GAS6: variants seen among roughly 807,000 people sequenced by gnomAD.
GAS6 encodes growth arrest specific 6.
A neutral mutation model predicts 75.8 loss-of-function variants in GAS6; 41 were observed. The observed-to-expected ratio is 0.54, with a 90% CI of 0.42 to 0.70. The LOEUF (loss-of-function observed/expected upper bound fraction) is 0.70, where lower values mean the gene tolerates loss of function less well. Ranked by LOEUF, GAS6 falls within the 30% of genes least tolerant of loss-of-function variation. GAS6 has a pLI of 0.00. For synonymous variants in GAS6, 432 were observed against 412.6 expected (o/e 1.05, Z -0.57); for missense variants, 854 against 940.2 (o/e 0.91, Z 1.20).
rs975920474 is a variant in GAS6 at position 113,848,056 on chromosome 13, GA to G, written c.256-7del. The G allele has an allele frequency of 3.7e-6, 6 of 1,611,548 alleles. No individual in the cohort carries two copies. The African/African-American group carries it at 8.0e-5, about 22-fold the overall frequency. ...TATCTTGGGTAAAAATAATCCTGTG[GA>G]AAAAGAAAAAGAAAAGGCAAGCATT... On this transcript the variant is annotated splice_polypyrimidine_tract_variant and splice_region_variant and intron_variant, in intron 2 of 14. Coordinates refer to ENST00000327773, the MANE Select transcript of GAS6 (RefSeq NM_000820.4). This position sits in a 1 kb window ranked among gnomAD's most constrained non-coding sequence, Gnocchi z 4.8.
Position 113,858,625 on chromosome 13 carries a change from A to C in GAS6, c.255+4950T>G, listed in dbSNP as rs1203583685. The stretch of plus-strand genomic sequence containing the variant: ...TGTACATGTCTGTGTGTGCCTATGT[A>C]TGCATGTCTGTGTGTTTGTGACTGT... On this transcript the variant is annotated intron_variant, in intron 2 of 14. Transcript: ENST00000327773. Among the ~76,000 whole-genome samples the C allele has an allele frequency of 1.6e-5, 2 of 124,396 alleles. 1 individual carries two copies. Among genetic ancestry groups the C allele is most frequent in the African/African-American group, 7.4e-5 (2 of 27,182 alleles). 81.6% of individuals were successfully genotyped at this position (124,396 alleles called of 152,430 possible). A position where few individuals can be genotyped will look rare whatever the true frequency, so the allele number is the denominator to read the frequency against.
chr13:113,833,232 C>T, intron 8 of GAS6: 1 of 1,068,068 alleles, frequency 9.4e-7, no homozygotes. Flanking sequence ...TGGGGCTGAG[C>T]CAGGCCTGCC....
At position 113,820,733 on chromosome 13, in the gene GAS6, A is replaced by ATATG. The variant is rs2051442789; in HGVS notation, c.*127_*130dup. 9.3e-6 allele frequency: 10 copies of ATATG among 1,076,262 alleles called. No homozygotes were observed. Among genetic ancestry groups the ATATG allele is most frequent in the Non-Finnish European group, 1.3e-5 (10 of 769,822 alleles). 66.7% of individuals were successfully genotyped at this position (1,076,262 alleles called of 1,614,324 possible). A position where few individuals can be genotyped will look rare whatever the true frequency, so the allele number is the denominator to read the frequency against. ...CCCAAGTCCATCTCACTATTTACAGATATGTTACAGGCCGGGATGGTCACA... is the reference window on the plus strand; with the variant it reads ...CCCAAGTCCATCTCACTATTTACAGATATGTATGTTACAGGCCGGGATGGTCACA... On this transcript the variant is annotated 3_prime_UTR_variant, in exon 15 of 15. Transcript: ENST00000327773.
rs190068363 is a variant in GAS6 at position 113,832,175 on chromosome 13, G to T, written c.1143+124C>A. 2.1e-3 allele frequency: 2,342 copies of T among 1,141,874 alleles called. 39 individuals are homozygous for T. The African/African-American group carries it at 0.032, about 16-fold the overall frequency. 70.7% of individuals were successfully genotyped at this position (1,141,874 alleles called of 1,614,324 possible). On this transcript the variant is annotated intron_variant, in intron 10 of 14. Coordinates refer to ENST00000327773, the MANE Select transcript of GAS6 (RefSeq NM_000820.4). Reference sequence around the variant, plus strand: ...TAAACGGGGCAGGGGTCCCCGTCCTGCCGGCACGCAGCAGATGCAGGCCCC... The same window carrying T: ...TAAACGGGGCAGGGGTCCCCGTCCTTCCGGCACGCAGCAGATGCAGGCCCC...
chr13:113,854,111 T>C (rs2051895729), intron 2 of GAS6, among the ~76,000 whole-genome samples: 1 of 152,150 alleles, frequency 6.6e-6, no homozygotes, highest in Non-Finnish European at 1.5e-5. Context: ...GCCTCTGCCC[T>C]CCTCCAAGCT....
At chr13:113,826,476 C>A (rs2051544242) in intron 12 of GAS6, among the ~76,000 whole-genome samples, 1 of 130,644 alleles carries the variant, frequency 7.7e-6, no homozygotes, top group African/African-American at 2.8e-5. Flanking sequence ...CTCGCAGGCA[C>A]CTTCTCTCCC....
At chr13:113,825,389 A>G (rs527827242) in intron 12 of GAS6, among the ~76,000 whole-genome samples, 18 of 152,124 alleles carry the variant, frequency 1.2e-4, no homozygotes, top group Non-Finnish European at 2.2e-4. Context: ...AGACCCGGAG[A>G]TCTGCAAGCC....
chr13:113,832,966 G>C, intron 8 of GAS6: 2 of 1,440,624 alleles, frequency 1.4e-6, no homozygotes, highest in Non-Finnish European at 1.8e-6. Context: ...TTCCCACAGG[G>C]CTTCTCGGGG....
intron 4 of GAS6, chr13:113,841,658 C>A (rs2051780289): frequency 6.4e-6 from 1 of 157,016 alleles, no homozygotes; most frequent in Non-Finnish European, 1.3e-5. Flanking sequence ...CAATTTCCTC[C>A]ATACGCCCCC....
intron 8 of GAS6, chr13:113,833,142 G>A: frequency 1.7e-6 from 2 of 1,153,866 alleles, no homozygotes; most frequent in Non-Finnish European, 2.2e-6. Context: ...CCCTGTTCTG[G>A]GCTGTGGTTT....
At chr13:113,853,201 C>T (rs2051889651) in intron 2 of GAS6, among the ~76,000 whole-genome samples, 1 of 152,248 alleles carries the variant, frequency 6.6e-6, no homozygotes, top group Non-Finnish European at 1.5e-5. Context: ...GAACTGGAAG[C>T]ACCTCACGCA....
chr13:113,842,919 G>A (rs1157889456), intron 4 of GAS6: 3 of 396,840 alleles, frequency 7.6e-6, no homozygotes, highest in Non-Finnish European at 1.3e-5. Flanking sequence ...CCTGCCAGGT[G>A]CCCAGCTCTT....
chr13:113,835,762 G>A lies in GAS6; in HGVS notation c.590-127C>T, dbSNP rs1023388649. The A allele has an allele frequency of 3.8e-5, 56 of 1,478,126 alleles. 1 individual carries two copies. Among genetic ancestry groups the A allele is most frequent in the East Asian group, 1.7e-4 (7 of 42,220 alleles). The allele number at this position is 1,478,126 out of a possible 1,614,324, so 91.6% of individuals were successfully genotyped here. A position where few individuals can be genotyped will look rare whatever the true frequency, so the allele number is the denominator to read the frequency against. On this transcript the variant is annotated intron_variant, in intron 6 of 14. Coordinates refer to ENST00000327773, the MANE Select transcript of GAS6 (RefSeq NM_000820.4). ...CATCCAGACTCTGTGGGGCCAGCGC[G>A]CCCTGGCCCCATTTCCCTGCCCTCC...
At position 113,851,132 on chromosome 13, in the gene GAS6, TGAATG is replaced by T. The variant is rs527471729; in HGVS notation, c.256-3087_256-3083del. ...ATGAATGAGTGGGTGGATGAGTAAA[TGAATG>T]GAGATGGATGGATAAATGAATGAGG... On this transcript the variant is annotated intron_variant, in intron 2 of 14. Transcript: ENST00000327773. Among the ~76,000 whole-genome samples the T allele has an allele frequency of 5.1e-3, 773 of 151,878 alleles. 8 individuals are homozygous for T. The highest frequency in any genetic ancestry group is 0.018 in the African/African-American group (749 of 41,394).
chr13:113,838,854 A>G (rs2051746567), intron 5 of GAS6, among the ~76,000 whole-genome samples: 2 of 151,480 alleles, frequency 1.3e-5, no homozygotes, highest in Non-Finnish European at 1.5e-5. Context: ...CCGAGCAGAG[A>G]GAGATCCTAG....
intron 2 of GAS6, among the ~76,000 whole-genome samples, chr13:113,853,966 C>T (rs2051894708): frequency 6.6e-6 from 1 of 152,224 alleles, no homozygotes; most frequent in African/African-American, 2.4e-5. Context: ...AGTGCTGATC[C>T]CACTGCCCAC....
At chr13:113,825,738 G>A (rs887272188) in intron 12 of GAS6, among the ~76,000 whole-genome samples, 1 of 152,254 alleles carries the variant, frequency 6.6e-6, no homozygotes. Context: ...GGGAGAACGC[G>A]TGTGCACAGT....
intron 2 of GAS6, among the ~76,000 whole-genome samples, chr13:113,854,428 C>T (rs1367864331): frequency 6.6e-6 from 1 of 152,252 alleles, no homozygotes; most frequent in Non-Finnish European, 1.5e-5. Flanking sequence ...ATGGCAGTGA[C>T]GCCGAGACTC....
chr13:113,859,736 C>A (rs754050300), intron 2 of GAS6, among the ~76,000 whole-genome samples: 1 of 149,366 alleles, frequency 6.7e-6, no homozygotes, highest in African/African-American at 2.5e-5. Context: ...GTGCTGGTGT[C>A]CATGTGTGAA....
Sources: gnomAD v4.1 joint callset for allele counts (sites outside exome capture counted in the v4.1 genomes callset) on GRCh38, gnomAD v4.1.1 for gene constraint, Gnocchi (gnomAD v3.1) non-coding constraint, MANE v1.5 for transcripts, NCBI Gene and HGNC (gene_info 2026-07-23, HGNC 2026-07-21) for gene names.